GLB1: variants seen among roughly 807,000 people sequenced by gnomAD.
GLB1 encodes beta-galactosidase.
Under a neutral mutation model 74.0 loss-of-function variants are expected in GLB1, and 56 were observed. That is an observed-to-expected ratio of 0.76 (90% CI 0.61 to 0.94). The LOEUF is 0.94. GLB1 is among the 40% of genes least tolerant of loss of function. The probability of loss-of-function intolerance (pLI) is 0.00; values close to 1 mark genes in which losing one functional copy is unlikely to be tolerated. For missense variants in GLB1, 787 were observed against 845.5 expected, an observed-to-expected ratio of 0.93 and a Z score of 0.86; for synonymous variants, 323 against 323.6, an observed-to-expected ratio of 1.00 and a Z score of 0.02.
chr3:33,089,342 C>T (rs1001205674), intron 1 of GLB1, among the ~76,000 whole-genome samples: 1 of 152,156 alleles, frequency 6.6e-6, no homozygotes, highest in African/African-American at 2.4e-5. Flanking sequence ...ATGTACAGAA[C>T]TGAAGAAAAT....
chr3:32,982,327 A>C, the GLB1 span, among the ~76,000 whole-genome samples: 3 of 151,978 alleles, frequency 2.0e-5, no homozygotes, highest in Non-Finnish European at 4.4e-5. Context: ...AAAAAAAAAA[A>C]AAAAAACTTA....
chr3:33,029,346 T>C (rs1559389978), intron 10 of GLB1, among the ~76,000 whole-genome samples: 1 of 152,224 alleles, frequency 6.6e-6, no homozygotes, highest in Non-Finnish European at 1.5e-5. Flanking sequence ...GATTCAATGG[T>C]GACCAGCTTT....
chr3:32,979,299 G>A, the GLB1 span, among the ~76,000 whole-genome samples: 3 of 152,034 alleles, frequency 2.0e-5, no homozygotes, highest in Non-Finnish European at 4.4e-5. Flanking sequence ...TCCTAATAAA[G>A]AAAGATTTCT....
chr3:32,988,668 A>C, the GLB1 span, among the ~76,000 whole-genome samples: 1 of 152,308 alleles, frequency 6.6e-6, no homozygotes, highest in South Asian at 2.1e-4. Context: ...ATCTTTTACC[A>C]GGTTGGCTTT....
chr3:32,965,752 T>C, the GLB1 span, among the ~76,000 whole-genome samples: 1 of 152,148 alleles, frequency 6.6e-6, no homozygotes, highest in South Asian at 2.1e-4. Context: ...GAAAAATGGT[T>C]TCCTGGGCCA....
chr3:33,009,967 C>T (rs868069781), intron 15 of GLB1, among the ~76,000 whole-genome samples: 5 of 152,202 alleles, frequency 3.3e-5, no homozygotes, highest in East Asian at 1.9e-4. Context: ...ATTGAGGAAT[C>T]GTATGGATAT....
chr3:33,045,920 A>C, intron 10 of GLB1, 200 bp downstream of exon 10: 1 of 859,816 alleles, frequency 1.2e-6, no homozygotes, highest in South Asian at 1.6e-5. Context: ...TATATCTCCT[A>C]CTCTCCTATA....
chr3:32,985,668 C>G, the GLB1 span, among the ~76,000 whole-genome samples: 1 of 151,834 alleles, frequency 6.6e-6, no homozygotes, highest in South Asian at 2.1e-4. Flanking sequence ...GATGCGTCTT[C>G]TTGATAAATT....
the GLB1 span, among the ~76,000 whole-genome samples, chr3:32,972,864 T>C: frequency 3.9e-5 from 6 of 152,186 alleles, no homozygotes. Flanking sequence ...ACCCGCCTGT[T>C]TTTCTGTGGC....
chr3:33,058,335 T>C (rs1259198566), intron 5 of GLB1, 66 bp from the exon 6 acceptor site: 3 of 1,601,314 alleles, frequency 1.9e-6, no homozygotes, highest in Non-Finnish European at 2.6e-6. Context: ...ATGCAAGCTT[T>C]TGTGTGGGAA....
At chr3:33,095,911 G>A (rs1357391833) in intron 1 of GLB1, among the ~76,000 whole-genome samples, 5 of 152,122 alleles carry the variant, frequency 3.3e-5, no homozygotes, top group Non-Finnish European at 7.3e-5. Context: ...CCACAGACGG[G>A]GTGAAGAGGG....
At chr3:33,007,056 C>T (rs1238573976) in intron 15 of GLB1, among the ~76,000 whole-genome samples, 1 of 152,152 alleles carries the variant, frequency 6.6e-6, no homozygotes, top group Admixed American at 6.5e-5. Flanking sequence ...CATTTAGAAG[C>T]CCCAGAGCTG....
the GLB1 span, among the ~76,000 whole-genome samples, chr3:32,976,671 A>G: frequency 2.6e-5 from 4 of 152,150 alleles, no homozygotes; most frequent in Non-Finnish European, 5.9e-5. Context: ...CCTCCCCCTT[A>G]GCCCGTGGAA....
At chr3:33,012,730 A>G (rs1175607568) in intron 15 of GLB1, among the ~76,000 whole-genome samples, 2 of 152,122 alleles carry the variant, frequency 1.3e-5, no homozygotes, top group Non-Finnish European at 2.9e-5. Context: ...CTTTCAGCAA[A>G]TGGTACCATT....
intron 10 of GLB1, chr3:33,037,900 G>A (rs1183757642): frequency 1.1e-4 from 16 of 151,984 alleles, no homozygotes; most frequent in African/African-American, 2.4e-5. Flanking sequence ...TTGCACAGAT[G>A]TGGAAGGAGG....
rs755919153 is a variant in GLB1 at position 33,072,605 on chromosome 3, G to A, written c.184C>T (p.Arg62Cys). 2.9e-5 allele frequency: 46 copies of A among 1,613,942 alleles called. No homozygotes were observed. The highest frequency in any genetic ancestry group is 1.7e-4 in the Middle Eastern group (1 of 5,998). ...AGCAGCCGGTCCTTCCAGTAGAAGC[G>A]GGGCACACGGGAGTAGTGAATGCTT... ...SGSIHYSRVP[R>C]FYWKDRLLKM... The change falls in exon 2 of 16, where the codon CGC (arginine) becomes TGC (cysteine). Residue 62 changes from arginine to cysteine, a missense_variant. Physicochemically the swap from Arg to Cys is radical, Grantham distance 180 (BLOSUM62 -3). Coordinates refer to ENST00000307363, the MANE Select transcript of GLB1 (RefSeq NM_000404.4).
chr3:33,001,584 T>C (rs1696571157), intron 15 of GLB1, among the ~76,000 whole-genome samples: 1 of 152,224 alleles, frequency 6.6e-6, no homozygotes, highest in East Asian at 1.9e-4. Flanking sequence ...GAAATTCATA[T>C]CTTTTGTTTG....
Position 33,004,627 on chromosome 3 carries a change from G to A in GLB1, c.1735-7283C>T, listed in dbSNP as rs1696711713. On this transcript the variant is annotated intron_variant, in intron 15 of 15. Transcript: ENST00000307363. Reference sequence around the variant, plus strand: ...TTCTCAGGATTGCTGAGAACAGCTGGGTGAGAAGACACCTGTGAGCACTCA... The same window carrying A: ...TTCTCAGGATTGCTGAGAACAGCTGAGTGAGAAGACACCTGTGAGCACTCA... Among the ~76,000 whole-genome samples the A allele has an allele frequency of 3.3e-5, 5 of 152,162 alleles. No individual in the cohort carries two copies. In the South Asian group the frequency reaches 8.3e-4, roughly 25 times the overall value.
Position 32,997,168 on chromosome 3 carries a change from C to T in GLB1, c.1911G>A (p.Thr637=), listed in dbSNP as rs549550701. The T allele has an allele frequency of 1.5e-5, 24 of 1,614,134 alleles. No homozygotes were observed. Among genetic ancestry groups the T allele is most frequent in the Middle Eastern group, 1.7e-4 (1 of 6,060 alleles). ...AGCCAATAACTGGCCTGTCCACGAACGTCACAGCACATAGTTCTGGATCAT... is the reference window on the plus strand; with the variant it reads ...AGCCAATAACTGGCCTGTCCACGAATGTCACAGCACATAGTTCTGGATCAT... ...SSDDPELCAV[T]FVDRPVIGSS... Residue 637 remains threonine, a synonymous_variant, in exon 16 of 16, where the codon ACG becomes ACA. Transcript: ENST00000307363.
Sources: allele counts gnomAD v4.1 joint callset (sites outside exome capture counted in the v4.1 genomes callset), GRCh38; gene constraint gnomAD v4.1.1; transcripts MANE v1.5; gene names NCBI Gene and HGNC (gene_info 2026-07-23, HGNC 2026-07-21).